Variants in JAK2 observed in about 807,000 individuals in gnomAD.
JAK2 encodes Janus kinase 2.
Under a neutral mutation model 139.3 loss-of-function variants are expected in JAK2, and 86 were observed. The observed-to-expected ratio is 0.62, with a 90% CI of 0.52 to 0.74. The LOEUF (loss-of-function observed/expected upper bound fraction) is 0.74, where lower values mean the gene tolerates loss of function less well. Ranked by LOEUF, JAK2 falls within the 30% of genes least tolerant of loss-of-function variation. The probability of loss-of-function intolerance (pLI) is 0.00; values close to 1 mark genes in which losing one functional copy is unlikely to be tolerated. For missense variants in JAK2, 1,421 were observed against 1,360.3 expected (o/e 1.04, Z -0.70); for synonymous variants, 490 against 437.7 (o/e 1.12, Z -1.49).
At chr9:5,091,618 T>C (rs1820580215) in intron 22 of JAK2, 2 of 152,190 alleles carry the variant, frequency 1.3e-5, no homozygotes, top group African/African-American at 2.4e-5. Flanking sequence ...AGATAATTAA[T>C]AGTAGAGTTT....
At chr9:5,035,718 A>T (rs1005056108) in intron 4 of JAK2, among the ~76,000 whole-genome samples, 1 of 152,218 alleles carries the variant, frequency 6.6e-6, no homozygotes, top group Non-Finnish European at 1.5e-5. Context: ...TTAGGTATTG[A>T]TGGGACGTGT....
At chr9:5,034,004 T>G (rs552177345) in intron 4 of JAK2, among the ~76,000 whole-genome samples, 89 of 152,240 alleles carry the variant, frequency 5.8e-4, no homozygotes, top group African/African-American at 2.1e-3. Context: ...CCATCTCACG[T>G]GCAGAGACAC....
intron 4 of JAK2, among the ~76,000 whole-genome samples, chr9:5,036,504 G>C (rs1054146452): frequency 1.3e-5 from 2 of 152,160 alleles, no homozygotes; most frequent in African/African-American, 4.8e-5. Flanking sequence ...AACCAAAACA[G>C]CATGGTACTG....
At chr9:5,081,180 C>T (rs1342761356) in intron 18 of JAK2, among the ~76,000 whole-genome samples, 1 of 151,992 alleles carries the variant, frequency 6.6e-6, no homozygotes, top group Non-Finnish European at 1.5e-5. Context: ...CAGGCTTGAG[C>T]CACCGCTCCC....
At chr9:5,108,541 T>C (rs965109799) in intron 22 of JAK2, 3 of 151,994 alleles carry the variant, frequency 2.0e-5, no homozygotes, top group Non-Finnish European at 4.4e-5. Flanking sequence ...ATAGTAAAAA[T>C]AACTCTATTC....
At chr9:5,080,974 C>T (rs545492773) in intron 18 of JAK2, among the ~76,000 whole-genome samples, 43 of 145,320 alleles carry the variant, frequency 3.0e-4, no homozygotes, top group Non-Finnish European at 5.5e-4. Flanking sequence ...CGGCTCACTG[C>T]AAGCTCCACC....
intron 3 of JAK2, among the ~76,000 whole-genome samples, chr9:5,024,097 A>C (rs1039956497): frequency 6.6e-6 from 1 of 152,100 alleles, no homozygotes; most frequent in Non-Finnish European, 1.5e-5. Flanking sequence ...TCTGCTAAAA[A>C]TACAAAAAAT....
intron 22 of JAK2, among the ~76,000 whole-genome samples, chr9:5,103,203 T>G (rs981662001): frequency 1.9e-5 from 1 of 53,532 alleles, no homozygotes; most frequent in East Asian, 5.9e-4. Flanking sequence ...GAGGAAGATC[T>G]ACCAAGCAAA....
chr9:5,110,854 T>G (rs918301513), intron 22 of JAK2: 1 of 480,134 alleles, frequency 2.1e-6, no homozygotes, highest in African/African-American at 2.0e-5. Flanking sequence ...GGGGGACGCT[T>G]CATGCCGCCG....
Position 5,064,963 on chromosome 9 carries a change from A to T in JAK2, c.1137A>T (p.Ala379=), listed in dbSNP as rs749561622. Residue 379 remains alanine (A), a synonymous_variant, in exon 9 of 25, where the codon GCA becomes GCT. Coordinates refer to ENST00000381652, the MANE Select transcript of JAK2 (RefSeq NM_004972.4). ...IDGYYRLTAD[A]HHYLCKEVAP... is the part of the protein sequence containing the mutation. ...GATATTATAGATTAACTGCAGATGC[A>T]CATCATTACCTCTGTAAAGAAGTAG... is the stretch of plus-strand genomic sequence containing the variant. 1.2e-6 allele frequency: 2 copies of T among 1,608,612 alleles called. No individual in the cohort carries two copies. The highest frequency in any genetic ancestry group is 1.7e-6 in the Non-Finnish European group (2 of 1,176,460).
chr9:5,016,721 G>T (rs1822087409), intron 2 of JAK2, among the ~76,000 whole-genome samples: 1 of 152,084 alleles, frequency 6.6e-6, no homozygotes, highest in Admixed American at 6.5e-5. Context: ...AGGTCTCCCT[G>T]TACCTCCTGC....
intron 22 of JAK2, chr9:5,109,761 ATT>A (rs1482982406): frequency 1.3e-5 from 2 of 152,210 alleles, no homozygotes; most frequent in Admixed American, 6.5e-5. Context: ...TAGTAGCACT[ATT>A]TGTTACCTGT....
At chr9:5,122,871 G>C in intron 22 of JAK2, 133 bp from the exon 23 acceptor site, 1 of 500,402 alleles carries the variant, frequency 2.0e-6, no homozygotes, top group South Asian at 4.6e-5. Context: ...TTTAATCATA[G>C]AAGCCTCAGG....
chr9:5,022,757 C>A (rs945308282), intron 3 of JAK2, among the ~76,000 whole-genome samples: 1 of 152,144 alleles, frequency 6.6e-6, no homozygotes, highest in Non-Finnish European at 1.5e-5. Context: ...AGAACTCTTT[C>A]TATAGAGCTA....
chr9:5,041,107 C>A, intron 4 of JAK2: 3 of 797,718 alleles, frequency 3.8e-6, no homozygotes, highest in Non-Finnish European at 6.3e-6. Context: ...CCTGTTCGAC[C>A]TTCACGCCCA....
intron 22 of JAK2, among the ~76,000 whole-genome samples, chr9:5,093,677 A>C (rs1362744205): frequency 2.6e-5 from 4 of 152,198 alleles, no homozygotes; most frequent in Non-Finnish European, 5.9e-5. Flanking sequence ...ACAGTAGTCT[A>C]AGCGAGTTAA....
intron 23 of JAK2, among the ~76,000 whole-genome samples, chr9:5,124,359 C>T (rs1392220822): frequency 6.6e-6 from 1 of 151,538 alleles, no homozygotes; most frequent in Non-Finnish European, 1.5e-5. Flanking sequence ...ACATTTAAGT[C>T]TGTAATCGAT....
intron 19 of JAK2, among the ~76,000 whole-genome samples, chr9:5,086,711 C>G (rs868261719): frequency 2.6e-5 from 4 of 152,156 alleles, no homozygotes; most frequent in African/African-American, 9.7e-5. Flanking sequence ...CCTGAAATCT[C>G]CCTGTCTGAC....
Position 5,054,577 on chromosome 9 carries a change from T to A in JAK2, c.629T>A (p.Leu210Ter). 1 of 1,586,388 alleles carries A rather than the reference T, an allele frequency of 6.3e-7. No homozygotes were observed. The highest frequency in any genetic ancestry group is 8.6e-7 in the Non-Finnish European group (1 of 1,164,708). Reference protein sequence around the residue: ...IYNSISYKTFLPKCIRAKIQD... With the variant: ...IYNSISYKTF ...TTTATCCCTAGCTACAAGACATTCT[T>A]ACCAAAATGTATTCGAGCAAAGATC... The change falls in exon 7 of 25, where the codon TTA becomes TAA. Residue 210 changes from leucine to a stop codon, truncating the protein, a stop_gained. Coordinates refer to ENST00000381652, the MANE Select transcript of JAK2 (RefSeq NM_004972.4). LOFTEE classifies it high-confidence loss of function. The surrounding 1 kb of genome is among the most constrained non-coding windows in gnomAD (Gnocchi z 4.9).
Sources: gnomAD v4.1 joint callset for allele counts (sites outside exome capture counted in the v4.1 genomes callset) on GRCh38, gnomAD v4.1.1 for gene constraint, Gnocchi (gnomAD v3.1) non-coding constraint, MANE v1.5 for transcripts, NCBI Gene and HGNC (gene_info 2026-07-23, HGNC 2026-07-21) for gene names.